The following KCNJ12 variants were observed in gnomAD, a reference collection of about 807,000 sequenced individuals.
The protein encoded by KCNJ12 is ATP-sensitive inward rectifier potassium channel 12.
A neutral mutation model predicts 22.3 loss-of-function variants in KCNJ12; 2 were observed. The ratio of observed to expected loss-of-function variants is 0.09; its 90% CI spans 0.04 to 0.28. The LOEUF is 0.28. Ranked by LOEUF, KCNJ12 falls within the 10% of genes least tolerant of loss-of-function variation. The pLI is 1.00. For missense variants in KCNJ12, 155 were observed against 633.3 expected, an observed-to-expected ratio of 0.24 and a Z score of 8.11; for synonymous variants, 117 against 261.4, an observed-to-expected ratio of 0.45 and a Z score of 5.33.
intron 1 of KCNJ12, among the ~76,000 whole-genome samples, chr17:21,396,615 C>T (rs554442103): frequency 9.9e-5 from 15 of 152,238 alleles, no homozygotes; most frequent in African/African-American, 2.4e-4. Flanking sequence ...GTATCAGCCC[C>T]GTGTTGATGG....
At chr17:21,401,044 TC>T (rs1905593413) in intron 1 of KCNJ12, among the ~76,000 whole-genome samples, 1 of 152,200 alleles carries the variant, frequency 6.6e-6, no homozygotes, top group South Asian at 2.1e-4. Flanking sequence ...TGATGATTTT[TC>T]CCCCATCAAG....
At chr17:21,399,927 C>G (rs575543409) in intron 1 of KCNJ12, among the ~76,000 whole-genome samples, 1 of 152,334 alleles carries the variant, frequency 6.6e-6, no homozygotes, top group East Asian at 1.9e-4. Context: ...TCCTGACGCA[C>G]AGCAGTTGCG....
intron 1 of KCNJ12, among the ~76,000 whole-genome samples, chr17:21,385,667 G>A (rs1392965994): frequency 6.6e-6 from 1 of 152,200 alleles, no homozygotes; most frequent in Non-Finnish European, 1.5e-5. Context: ...TCCTCTGCAG[G>A]GTGGAGGCTG....
Position 21,402,561 on chromosome 17 carries a change from T to C in KCNJ12, c.-178-5958T>C, listed in dbSNP as rs1472886810. 2.0e-5 allele frequency among the ~76,000 whole-genome samples: 3 copies of C among 152,310 alleles called. No individual in the cohort carries two copies. In the East Asian group the frequency reaches 5.8e-4, roughly 29 times the overall value. On this transcript the variant is annotated intron_variant, in intron 1 of 2. Transcript: ENST00000583088. ...GCTTTCTGGAAGGCCTACCCTATTTTCCTGGACTCTACATCTCTGAGGTCA... is the reference window on the plus strand; with the variant it reads ...GCTTTCTGGAAGGCCTACCCTATTTCCCTGGACTCTACATCTCTGAGGTCA...
chr17:21,378,865 T>A (rs1314892320), intron 1 of KCNJ12, among the ~76,000 whole-genome samples: 1 of 152,060 alleles, frequency 6.6e-6, no homozygotes, highest in African/African-American at 2.4e-5. Context: ...CCCCATAAGG[T>A]TTCCAGGCTG....
chr17:21,397,502 G>A (rs1555560030), intron 1 of KCNJ12, among the ~76,000 whole-genome samples: 6 of 152,254 alleles, frequency 3.9e-5, no homozygotes, highest in Admixed American at 3.3e-4. Context: ...GGAAGCGTCT[G>A]TGGGTCGTCC....
At chr17:21,396,094 G>A (rs373843395) in intron 1 of KCNJ12, among the ~76,000 whole-genome samples, 2 of 152,274 alleles carry the variant, frequency 1.3e-5, no homozygotes, top group African/African-American at 4.8e-5. Flanking sequence ...CTGGGCCCCC[G>A]GGCGCAGGCA....
chr17:21,383,079 G>A (rs782770573), intron 1 of KCNJ12, among the ~76,000 whole-genome samples: 14 of 152,256 alleles, frequency 9.2e-5, no homozygotes, highest in South Asian at 6.2e-4. Context: ...GGGAGGGGCC[G>A]GGGAGAAGGG....
intron 1 of KCNJ12, among the ~76,000 whole-genome samples, chr17:21,392,898 G>A (rs1905244822): frequency 6.6e-6 from 1 of 152,196 alleles, no homozygotes; most frequent in Admixed American, 6.5e-5. Flanking sequence ...CAGGGCAGGT[G>A]GGGTGTGTGT....
At position 21,386,202 on chromosome 17, in the gene KCNJ12, G is replaced by A. The variant is rs569081985; in HGVS notation, c.-179+9289G>A. Among the ~76,000 whole-genome samples, 4 of 152,368 alleles carry A rather than the reference G, an allele frequency of 2.6e-5. No homozygotes were observed. In the South Asian group the frequency reaches 8.3e-4, roughly 32 times the overall value. ...CTGGTTCCTCGCGGAGCCTCTGAGGGAGAAGCCATTCTGGGGCTTTCCCCC... is the reference window on the plus strand; with the variant it reads ...CTGGTTCCTCGCGGAGCCTCTGAGGAAGAAGCCATTCTGGGGCTTTCCCCC... On this transcript the variant is annotated intron_variant, in intron 1 of 2. Coordinates refer to ENST00000583088, the MANE Select transcript of KCNJ12 (RefSeq NM_021012.5).
chr17:21,396,161 G>A (rs1315759640), intron 1 of KCNJ12, among the ~76,000 whole-genome samples: 1 of 152,220 alleles, frequency 6.6e-6, no homozygotes, highest in African/African-American at 2.4e-5. Context: ...TGGCATGGGG[G>A]TGAGGGGCTG....
intron 1 of KCNJ12, among the ~76,000 whole-genome samples, chr17:21,386,153 C>T (rs1211145030): frequency 5.3e-5 from 8 of 152,246 alleles, no homozygotes; most frequent in African/African-American, 1.4e-4. Flanking sequence ...GGAGGCCAGA[C>T]GTCTGAAACC....
rs1380109831 is a variant in KCNJ12 at position 21,408,516 on chromosome 17, T to C, written c.-178-3T>C. On this transcript the variant is annotated splice_region_variant and splice_polypyrimidine_tract_variant and intron_variant, in intron 1 of 2. Transcript: ENST00000583088. ...TAACTTGGCTTTACTCTTTTAACTTTAGGATGTTCTAGTGACTGGATCCTT... is the reference window on the plus strand; with the variant it reads ...TAACTTGGCTTTACTCTTTTAACTTCAGGATGTTCTAGTGACTGGATCCTT... 1.3e-5 allele frequency: 2 copies of C among 152,406 alleles called. No individual in the cohort carries two copies. Among genetic ancestry groups the C allele is most frequent in the African/African-American group, 4.8e-5 (2 of 41,488 alleles). 9.4% of individuals were successfully genotyped at this position (152,406 alleles called of 1,614,324 possible). A position where few individuals can be genotyped will look rare whatever the true frequency, so the allele number is the denominator to read the frequency against.
At chr17:21,395,486 C>A (rs183276551) in intron 1 of KCNJ12, among the ~76,000 whole-genome samples, 37 of 128,466 alleles carry the variant, frequency 2.9e-4, no homozygotes, top group African/African-American at 1.1e-3. Flanking sequence ...GAGGCTGAGG[C>A]AGGAGAGTTG....
chr17:21,391,234 G>C (rs915328669), intron 1 of KCNJ12, among the ~76,000 whole-genome samples: 1 of 152,220 alleles, frequency 6.6e-6, no homozygotes, highest in African/African-American at 2.4e-5. Context: ...ACCTGTGAAC[G>C]GTGCTGCCGT....
At chr17:21,382,050 T>C (rs1406344608) in intron 1 of KCNJ12, among the ~76,000 whole-genome samples, 1 of 152,242 alleles carries the variant, frequency 6.6e-6, no homozygotes, top group Non-Finnish European at 1.5e-5. Context: ...TGGACAGAGC[T>C]GGATTCTGAC....
intron 1 of KCNJ12, among the ~76,000 whole-genome samples, chr17:21,384,001 CCT>C (rs1388668575): frequency 6.6e-6 from 1 of 152,146 alleles, no homozygotes; most frequent in Non-Finnish European, 1.5e-5. Flanking sequence ...CTCCTCACCC[CCT>C]GCCTCCCCCA....
chr17:21,410,496 T>C (rs1906260131), intron 2 of KCNJ12, among the ~76,000 whole-genome samples: 1 of 152,264 alleles, frequency 6.6e-6, no homozygotes, highest in Admixed American at 6.5e-5. Flanking sequence ...TTCCCTGCAT[T>C]GAGTGATCTC....
At chr17:21,405,210 A>G (rs3866976) in intron 1 of KCNJ12, 7,601 of 119,980 alleles carry the variant, frequency 0.063, 1 homozygote, top group African/African-American at 0.11. Context: ...TTCAGTGCCC[A>G]CGTGGTGTCA....
Sources: allele counts gnomAD v4.1 joint callset (sites outside exome capture counted in the v4.1 genomes callset), GRCh38; gene constraint gnomAD v4.1.1; transcripts MANE v1.5; gene names NCBI Gene and HGNC (gene_info 2026-07-23, HGNC 2026-07-21).